PIWIL1: variants seen among roughly 807,000 people sequenced by gnomAD.
PIWIL1 encodes the protein piwi like RNA-mediated gene silencing 1.
In PIWIL1, 73 loss-of-function variants were observed where a neutral mutation model predicts 114.4. The observed-to-expected ratio is 0.64, with a 90% confidence interval of 0.53 to 0.78. The LOEUF (loss-of-function observed/expected upper bound fraction) is 0.78, where lower values mean the gene tolerates loss of function less well. PIWIL1 is among the 30% of genes least tolerant of loss of function. The pLI is 0.00. For synonymous variants in PIWIL1, 375 were observed against 369.0 expected, an observed-to-expected ratio of 1.02 and a Z score of -0.19; for missense variants, 723 against 1,063.1, an observed-to-expected ratio of 0.68 and a Z score of 4.45.
chr12:130,351,517 T>C (rs2073210521), intron 9 of PIWIL1: 2 of 152,234 alleles, frequency 1.3e-5, no homozygotes, highest in African/African-American at 4.8e-5. Flanking sequence ...GTTGCCAGTG[T>C]TGAATGTGTT....
intron 19 of PIWIL1, 22 bp from the exon 20 acceptor site, chr12:130,371,154 C>T (rs1487915076): frequency 3.1e-6 from 5 of 1,608,862 alleles, no homozygotes; most frequent in East Asian, 2.2e-5. Context: ...TCAGCACATC[C>T]GTGTGTTTTC....
the PIWIL1 span, chr12:130,383,617 G>A: frequency 6.6e-6 from 1 of 152,202 alleles, no homozygotes; most frequent in Non-Finnish European, 1.5e-5. Flanking sequence ...TCCAGATTGG[G>A]GCGCTTTTTA....
In PIWIL1 at chr12:130,354,669, G is replaced by C; in HGVS notation, c.1171+6G>C. Reference sequence around the variant, plus strand: ...TGAGCTCTGCTATCTTACAGGTACTGTTGCATTTCATTTACTCGGAAGGAA... The same window carrying C: ...TGAGCTCTGCTATCTTACAGGTACTCTTGCATTTCATTTACTCGGAAGGAA... On this transcript the variant is annotated splice_donor_region_variant and intron_variant, in intron 10 of 20. Transcript: ENST00000245255. 1 of 1,564,506 alleles carries C rather than the reference G, an allele frequency of 6.4e-7. No homozygotes were observed.
chr12:130,376,489 C>T (rs1006009376), downstream of PIWIL1, among the ~76,000 whole-genome samples: 2 of 152,152 alleles, frequency 1.3e-5, no homozygotes, highest in Non-Finnish European at 2.9e-5. Context: ...GCCTCCAGAC[C>T]GCATTTGACA....
chr12:130,352,915 AG>A (rs2073252283), intron 9 of PIWIL1, among the ~76,000 whole-genome samples: 2 of 152,212 alleles, frequency 1.3e-5, no homozygotes, highest in Admixed American at 1.3e-4. Context: ...GTGATAAAAT[AG>A]GTAGTATAGC....
intron 12 of PIWIL1, 112 bp downstream of exon 12, chr12:130,355,779 G>A (rs2073348165): frequency 6.6e-6 from 5 of 756,528 alleles, no homozygotes; most frequent in Non-Finnish European, 1.2e-5. Flanking sequence ...TCCGAGTAAG[G>A]CAGTTTTTAA....
At chr12:130,424,374 C>A in the PIWIL1 span, 1 of 1,232,752 alleles carries the variant, frequency 8.1e-7, no homozygotes. This position sits in a 1 kb window ranked among gnomAD's most constrained non-coding sequence, Gnocchi z 9.8. Context: ...GCTGCTCTGC[C>A]GGGTCAGCGT....
rs190609201 is a variant in PIWIL1 at position 130,344,448 on chromosome 12, C to T, written c.191-1305C>T. 2.5e-3 allele frequency among the ~76,000 whole-genome samples: 384 copies of T among 152,228 alleles called. 6 individuals carry two copies. Among genetic ancestry groups the T allele is most frequent in the South Asian group, 0.019 (91 of 4,828 alleles). ...GAAGTGCCTTGTAAAGTGCTTTAGA[C>T]GTGATATTTAAAACTTCTGACATGC... On this transcript the variant is annotated intron_variant, in intron 3 of 20. Coordinates refer to ENST00000245255, the MANE Select transcript of PIWIL1 (RefSeq NM_004764.5).
the PIWIL1 span, among the ~76,000 whole-genome samples, chr12:130,421,236 G>A: frequency 6.6e-6 from 1 of 152,208 alleles, no homozygotes; most frequent in Non-Finnish European, 1.5e-5. Flanking sequence ...ATACCCGAAA[G>A]GAATCTGGGC....
chr12:130,404,331 A>T, the PIWIL1 span, among the ~76,000 whole-genome samples: 1 of 152,148 alleles, frequency 6.6e-6, no homozygotes, highest in Non-Finnish European at 1.5e-5. Flanking sequence ...ACGGAGTTTC[A>T]CTGTCACCCA....
intron 19 of PIWIL1, among the ~76,000 whole-genome samples, chr12:130,368,147 G>A (rs2073720947): frequency 6.6e-6 from 1 of 152,148 alleles, no homozygotes; most frequent in South Asian, 2.1e-4. Flanking sequence ...TTTGTGTGAG[G>A]TGTTGTTAAT....
At chr12:130,357,256 T>G in intron 13 of PIWIL1, 151 bp downstream of exon 13, 1 of 732,544 alleles carries the variant, frequency 1.4e-6, no homozygotes. Context: ...TTTTAATAAC[T>G]AAGAATGGGT....
chr12:130,413,632 CAAAAAAA>C, the PIWIL1 span, among the ~76,000 whole-genome samples: 1 of 73,352 alleles, frequency 1.4e-5, no homozygotes, highest in Non-Finnish European at 2.6e-5. Context: ...GACTCTGTCT[CAAAAAAA>C]AAAAAAAAAA....
At chr12:130,384,701 T>C in the PIWIL1 span, among the ~76,000 whole-genome samples, 2 of 152,322 alleles carry the variant, frequency 1.3e-5, no homozygotes, top group Admixed American at 6.5e-5. Context: ...ACTCAAACTA[T>C]TGTATGTTTT....
intron 7 of PIWIL1, 65 bp from the exon 8 acceptor site, chr12:130,349,174 A>G: frequency 8.3e-7 from 1 of 1,206,228 alleles, no homozygotes; most frequent in South Asian, 1.3e-5. Flanking sequence ...TGAAAACGCA[A>G]CTTAGTGTGT....
At chr12:130,395,375 T>TA in the PIWIL1 span, among the ~76,000 whole-genome samples, 1 of 152,212 alleles carries the variant, frequency 6.6e-6, no homozygotes, top group Non-Finnish European at 1.5e-5. Context: ...AATGAGTAAT[T>TA]AAATGTGACT....
chr12:130,364,416 A>T (rs992064885), intron 18 of PIWIL1, among the ~76,000 whole-genome samples: 24 of 152,212 alleles, frequency 1.6e-4, no homozygotes, highest in African/African-American at 5.8e-4. Context: ...CTTCTGAGTC[A>T]TCTTTGGCCA....
chr12:130,371,597 A>G lies in PIWIL1; in HGVS notation c.2585A>G (p.Ter862=). Residue 862 remains the stop codon, a stop_retained_variant, in exon 21 of 21, where the codon TAA becomes TGA. Transcript: ENST00000245255. ...LSLSNRLYYL[*] is the part of the protein sequence containing the mutation. ...CTGTCAAACCGCCTTTACTACCTCTAACCTGCAGAAGACGATGCAGCCGCT... is the reference window on the plus strand; with the variant it reads ...CTGTCAAACCGCCTTTACTACCTCTGACCTGCAGAAGACGATGCAGCCGCT... The G allele has an allele frequency of 6.4e-7, 1 of 1,570,952 alleles. No homozygotes were observed. The highest frequency in any genetic ancestry group is 1.1e-5 in the South Asian group (1 of 89,342).
intron 18 of PIWIL1, among the ~76,000 whole-genome samples, chr12:130,363,984 T>C (rs181292820): frequency 6.6e-6 from 1 of 152,278 alleles, no homozygotes; most frequent in African/African-American, 2.4e-5. Context: ...CTTGTTTTCC[T>C]TTGAAACCCA....
Sources: gnomAD v4.1 joint callset for allele counts (sites outside exome capture counted in the v4.1 genomes callset) on GRCh38, gnomAD v4.1.1 for gene constraint, Gnocchi (gnomAD v3.1) non-coding constraint, MANE v1.5 for transcripts, NCBI Gene and HGNC (gene_info 2026-07-23, HGNC 2026-07-21) for gene names.